ELFN1: variants seen among roughly 807,000 people sequenced by gnomAD.
ELFN1 encodes extracellular leucine rich repeat and fibronectin type III domain containing 1, also known as protein ELFN1.
Under a neutral mutation model 7.6 loss-of-function variants are expected in ELFN1, and 6 were observed. The ratio of observed to expected loss-of-function variants is 0.79; its 90% CI spans 0.43 to 1.56. The LOEUF is 1.56. Ranked by LOEUF, ELFN1 falls within the 40% of genes most tolerant of loss-of-function variation. The pLI is 0.01. For missense variants in ELFN1, 1,169 were observed against 1,232.2 expected, an observed-to-expected ratio of 0.95 and a Z score of 0.77; for synonymous variants, 657 against 588.1, an observed-to-expected ratio of 1.12 and a Z score of -1.70.
At chr7:1,734,367 T>C (rs1406014521) in intron 3 of ELFN1, among the ~76,000 whole-genome samples, 1 of 152,204 alleles carries the variant, frequency 6.6e-6, no homozygotes, top group African/African-American at 2.4e-5. Flanking sequence ...CCACACATCA[T>C]GTTTTTTAAT....
Position 1,746,545 on chromosome 7 carries a change from G to A in ELFN1, c.1949G>A (p.Arg650His), listed in dbSNP as rs1324419894. 28 of 1,381,816 alleles carry A rather than the reference G, an allele frequency of 2.0e-5. No homozygotes were observed. Among genetic ancestry groups the A allele is most frequent in the East Asian group, 3.1e-5 (1 of 32,138 alleles). 85.6% of individuals were successfully genotyped at this position (1,381,816 alleles called of 1,614,324 possible). ...TSSSGSVRSP[R>H]AFRAEAVGVH... ...TCCAGCGGCTCCGTGCGCAGCCCCC[G>A]CGCCTTCCGAGCCGAGGCCGTCGGG... Residue 650 changes from arginine to histidine, a missense_variant, in exon 4 of 4, where the codon CGC (arginine) becomes CAC (histidine). Coordinates refer to ENST00000424383, the MANE Select transcript of ELFN1 (RefSeq NM_001128636.4).
intron 3 of ELFN1, among the ~76,000 whole-genome samples, chr7:1,731,698 C>G (rs1478993688): frequency 6.6e-6 from 1 of 152,236 alleles, no homozygotes; most frequent in Non-Finnish European, 1.5e-5. Context: ...GTCGCCCAGG[C>G]TGGGGTGCAG....
At chr7:1,681,905 A>G (rs1778981727) in intron 1 of ELFN1, among the ~76,000 whole-genome samples, 1 of 152,222 alleles carries the variant, frequency 6.6e-6, no homozygotes. Context: ...CTTTGATAAA[A>G]TGTCTATTCA....
intron 1 of ELFN1, among the ~76,000 whole-genome samples, chr7:1,685,841 T>C (rs1779052844): frequency 6.8e-6 from 1 of 148,084 alleles, no homozygotes; most frequent in African/African-American, 2.4e-5. Context: ...CTTTATGTCT[T>C]TGAATGTATT....
At chr7:1,666,638 A>C (rs1778675063), upstream of ELFN1, among the ~76,000 whole-genome samples, 1 of 149,300 alleles carries the variant, frequency 6.7e-6, no homozygotes, top group African/African-American at 2.5e-5. This position sits in a 1 kb window ranked among gnomAD's most constrained non-coding sequence, Gnocchi z 7.9. Context: ...GGGCAGAAAG[A>C]GGGGGAGGGG....
Position 1,740,771 on chromosome 7 carries a change from G to A in ELFN1, c.-293-3533G>A, listed in dbSNP as rs1213723673. Among the ~76,000 whole-genome samples, 5 of 152,110 alleles carry A rather than the reference G, an allele frequency of 3.3e-5. No individual in the cohort carries two copies. Among genetic ancestry groups the A allele is most frequent in the East Asian group, 1.9e-4 (1 of 5,180 alleles). ...CAGGGCTGACTCACAGTGTGACTTCGGACAAGTCCTTCTGTGTCTGTGCCT... is the reference window on the plus strand; with the variant it reads ...CAGGGCTGACTCACAGTGTGACTTCAGACAAGTCCTTCTGTGTCTGTGCCT... On this transcript the variant is annotated intron_variant, in intron 3 of 3. Transcript: ENST00000424383. This position sits in a 1 kb window ranked among gnomAD's most constrained non-coding sequence, Gnocchi z 5.0.
rs192927093 is a variant in ELFN1 at position 1,677,114 on chromosome 7, T to C, written c.-549+6760T>C. Among the ~76,000 whole-genome samples, 21 of 152,314 alleles carry C rather than the reference T, an allele frequency of 1.4e-4. 1 individual carries two copies. The East Asian group carries it at 4.1e-3, about 29-fold the overall frequency. ...AGCTACATTCCTATAGAGAAAAATATTCTGTAAGGCAAAACCCATTTTCCT... is the reference window on the plus strand; with the variant it reads ...AGCTACATTCCTATAGAGAAAAATACTCTGTAAGGCAAAACCCATTTTCCT... On this transcript the variant is annotated intron_variant, in intron 1 of 3. Transcript: ENST00000424383.
At chr7:1,722,316 G>T (rs1171249299) in intron 3 of ELFN1, among the ~76,000 whole-genome samples, 1 of 150,264 alleles carries the variant, frequency 6.7e-6, no homozygotes, top group Non-Finnish European at 1.5e-5. Context: ...ACCCAGGCTG[G>T]GGTGCAGTGG....
At chr7:1,681,052 C>T (rs1177105188) in intron 1 of ELFN1, among the ~76,000 whole-genome samples, 1 of 152,114 alleles carries the variant, frequency 6.6e-6, no homozygotes, top group Non-Finnish European at 1.5e-5. Flanking sequence ...TGTGGATTTA[C>T]ATTTAATGGA....
chr7:1,676,312 C>G (rs1778870474), intron 1 of ELFN1, among the ~76,000 whole-genome samples: 1 of 152,198 alleles, frequency 6.6e-6, no homozygotes, highest in Non-Finnish European at 1.5e-5. Context: ...GGCCTCTGCC[C>G]TCTTCACTGA....
intron 1 of ELFN1, among the ~76,000 whole-genome samples, chr7:1,681,561 G>T (rs1778975717): frequency 6.6e-6 from 1 of 152,020 alleles, no homozygotes; most frequent in African/African-American, 2.4e-5. Flanking sequence ...ACTGGGTCTC[G>T]CCATGTTGGC....
At chr7:1,741,663 G>A (rs10429037) in intron 3 of ELFN1, among the ~76,000 whole-genome samples, 90,006 of 152,064 alleles carry the variant, frequency 0.59, 28,891 homozygotes, top group Non-Finnish European at 0.71. Context: ...GCCAGGCCCT[G>A]GAGATGTCAG....
Position 1,745,521 on chromosome 7 carries a change from C to T in ELFN1, c.925C>T (p.Leu309=), listed in dbSNP as rs1210158227. 6.5e-7 allele frequency: 1 copy of T among 1,546,594 alleles called. No individual in the cohort carries two copies. Among genetic ancestry groups the T allele is most frequent in the Non-Finnish European group, 8.7e-7 (1 of 1,146,868 alleles). The change falls in exon 4 of 4, where the codon CTG becomes TTG. Residue 309 remains leucine, a synonymous_variant. Coordinates refer to ENST00000424383, the MANE Select transcript of ELFN1 (RefSeq NM_001128636.4). ...CACGCCACTGGTGGCCCTGCCCACG[C>T]TGGCCACGCAGGCCGAGGCCCGCCC... ...GTTPLVALPT[L]ATQAEARPLI...
At chr7:1,726,914 C>T (rs1415641331) in intron 3 of ELFN1, among the ~76,000 whole-genome samples, 1 of 152,182 alleles carries the variant, frequency 6.6e-6, no homozygotes, top group Non-Finnish European at 1.5e-5. Context: ...ATCATTTGTC[C>T]TTTTGTTTAG....
intron 3 of ELFN1, among the ~76,000 whole-genome samples, chr7:1,719,474 G>A (rs1195911372): frequency 6.6e-6 from 1 of 152,218 alleles, no homozygotes. Flanking sequence ...CGCAGACAGG[G>A]CCCTCTGGAC....
intron 3 of ELFN1, among the ~76,000 whole-genome samples, chr7:1,738,084 C>T (rs1473741298): frequency 4.6e-5 from 7 of 152,230 alleles, no homozygotes; most frequent in Non-Finnish European, 7.3e-5. Flanking sequence ...TGTGAGTGAA[C>T]GCAGCGGTTC....
Position 1,744,673 on chromosome 7 carries a change from G to A in ELFN1, c.77G>A (p.Arg26His), listed in dbSNP as rs765480745. 1.6e-5 allele frequency: 25 copies of A among 1,550,782 alleles called. No homozygotes were observed. Among genetic ancestry groups the A allele is most frequent in the African/African-American group, 4.1e-5 (3 of 72,936 alleles). ...ATLLHAGGLA[R>H]ADCWLIEGDK... ...CTGCTGCACGCTGGCGGCCTGGCCC[G>A]CGCAGACTGCTGGCTGATCGAGGGC... Residue 26 changes from arginine (R) to histidine (H), a missense_variant, in exon 4 of 4, where the codon CGC (arginine) becomes CAC (histidine). Around this residue, in one of 2 missense-constraint regions of ELFN1, gnomAD observed 255 missense variants for 359.6 expected, o/e 0.71. Coordinates refer to ENST00000424383, the MANE Select transcript of ELFN1 (RefSeq NM_001128636.4).
intron 2 of ELFN1, among the ~76,000 whole-genome samples, chr7:1,696,449 T>C (rs978119922): frequency 6.7e-6 from 1 of 149,880 alleles, no homozygotes; most frequent in African/African-American, 2.5e-5. Context: ...TGGAGTGCAG[T>C]GACACAATCA....
At chr7:1,702,047 G>A (rs1003342143) in intron 2 of ELFN1, among the ~76,000 whole-genome samples, 9 of 151,984 alleles carry the variant, frequency 5.9e-5, no homozygotes, top group Admixed American at 3.3e-4. Flanking sequence ...TTTTCTGTTT[G>A]TTCCATGGGC....
Sources: gnomAD v4.1 joint callset for allele counts (sites outside exome capture counted in the v4.1 genomes callset) on GRCh38, gnomAD v4.1.1 for gene constraint, gnomAD v4.1.1 regional missense constraint, Gnocchi (gnomAD v3.1) non-coding constraint, MANE v1.5 for transcripts, NCBI Gene and HGNC (gene_info 2026-07-23, HGNC 2026-07-21) for gene names.